The following SRCAP variants were observed in gnomAD, a reference collection of about 807,000 sequenced individuals.
SRCAP encodes Snf2 related CREBBP activator protein.
Under a neutral mutation model 263.1 loss-of-function variants are expected in SRCAP, and 46 were observed. That is an observed-to-expected ratio of 0.17 (90% CI 0.14 to 0.22). The LOEUF (loss-of-function observed/expected upper bound fraction) is 0.22, where lower values mean the gene tolerates loss of function less well. SRCAP is among the 10% of genes least tolerant of loss of function. The pLI is 1.00. For synonymous variants in SRCAP, 1,813 were observed against 1,662.1 expected (o/e 1.09, Z -2.21); for missense variants, 3,695 against 4,181.9 (o/e 0.88, Z 3.21).
rs1391796227 is a variant in SRCAP, at chr16:30,733,405, CTCT to C, written c.6254_6256del (p.Leu2085_Tyr2086delinsHis). The C allele has an allele frequency of 6.2e-7, 1 of 1,614,138 alleles. No individual in the cohort carries two copies. On this transcript the variant is annotated inframe_deletion, in exon 28 of 34. Transcript: ENST00000262518. The surrounding 1 kb of genome is among the most constrained non-coding windows in gnomAD (Gnocchi z 5.3). The stretch of plus-strand genomic sequence containing the variant: ...GCAGTTTCTCACCTACCATGGCCAT[CTCT>C]ACCTGCGCCTGGATGGATCTACTAG...
chr16:30,713,936 C>T (rs1419534999), intron 16 of SRCAP, among the ~76,000 whole-genome samples: 1 of 143,564 alleles, frequency 7.0e-6, no homozygotes, highest in Non-Finnish European at 1.5e-5. Flanking sequence ...CTTGCTTTGT[C>T]GCCCAGGCTG....
In SRCAP at chr16:30,739,147, G is replaced by A; in HGVS notation, c.9107G>A (p.Cys3036Tyr). The A allele has an allele frequency of 6.2e-7, 1 of 1,614,164 alleles. No homozygotes were observed. Among genetic ancestry groups the A allele is most frequent in the Non-Finnish European group, 8.5e-7 (1 of 1,180,014 alleles). ...DRDSTSVLESCGLGRRRQPQG... is the reference protein window; with the variant it reads ...DRDSTSVLESYGLGRRRQPQG... ...GACAGCACTTCTGTTCTCGAGAGCT[G>A]TGGATTGGGGAGGCGACGGCAACCC... Residue 3036 changes from cysteine (C) to tyrosine (Y), a missense_variant, in exon 34 of 34, where the codon TGT becomes TAT. Cys to Tyr is a radical substitution (Grantham distance 194). Around this residue, in one of 12 missense-constraint regions of SRCAP, gnomAD observed 1,207 missense variants for 1,142.9 expected, o/e 1.06. Transcript: ENST00000262518.
chr16:30,725,286 G>A (rs1281148118), intron 25 of SRCAP: 2 of 1,150,276 alleles, frequency 1.7e-6, no homozygotes, highest in East Asian at 2.9e-5. Context: ...CTCCTGAAGT[G>A]TTAGGATTAC....
intron 6 of SRCAP, among the ~76,000 whole-genome samples, chr16:30,708,907 C>G (rs1356638804): frequency 6.6e-6 from 1 of 152,162 alleles, no homozygotes; most frequent in African/African-American, 2.4e-5. Context: ...CAACCTCTGC[C>G]TCCCAGGTTC....
chr16:30,721,360 C>T lies in SRCAP; in HGVS notation c.3425C>T (p.Ala1142Val). 2 of 1,614,154 alleles carry T rather than the reference C, an allele frequency of 1.2e-6. No homozygotes were observed. Among genetic ancestry groups the T allele is most frequent in the Non-Finnish European group, 1.7e-6 (2 of 1,180,046 alleles). ...TVPPGYTFPPAAATTTSTTTA... is the reference protein window; with the variant it reads ...TVPPGYTFPPVAATTTSTTTA... Reference sequence around the variant, plus strand: ...CCACCAGGCTACACCTTCCCTCCTGCTGCTGCCACCACCACTTCTACCACC... The same window carrying T: ...CCACCAGGCTACACCTTCCCTCCTGTTGCTGCCACCACCACTTCTACCACC... The change falls in exon 21 of 34, where the codon GCT becomes GTT. Residue 1142 changes from alanine to valine, a missense_variant. By Grantham distance (64) the Ala-to-Val change is moderately conservative. Transcript: ENST00000262518.
At chr16:30,706,507 A>C (rs2052828913) in intron 4 of SRCAP, among the ~76,000 whole-genome samples, 1 of 152,188 alleles carries the variant, frequency 6.6e-6, no homozygotes, top group African/African-American at 2.4e-5. Context: ...CTGTCAAAAA[A>C]ATTTTAAATG....
Position 30,713,307 on chromosome 16 carries a change from A to G in SRCAP, c.2230A>G (p.Ile744Val). ...CCGTCGCAAGAACTGGCGCTATCTC[A>G]TTCTGGATGAGGCGCAGAACATCAA... The part of the protein sequence containing the change: ...AFRRKNWRYL[I>V]LDEAQNIKNF... Residue 744 changes from isoleucine (I) to valine (V), a missense_variant, in exon 15 of 34, where the codon ATT becomes GTT. By Grantham distance (29) the Ile-to-Val change is conservative. Transcript: ENST00000262518. The G allele has an allele frequency of 6.2e-7, 1 of 1,614,076 alleles. No individual in the cohort carries two copies. The highest frequency in any genetic ancestry group is 1.1e-5 in the South Asian group (1 of 91,078).
chr16:30,707,819 C>G, intron 6 of SRCAP, 107 bp downstream of exon 6: 1 of 1,404,272 alleles, frequency 7.1e-7, no homozygotes, highest in Non-Finnish European at 9.8e-7. Context: ...TAATTTCAGG[C>G]AACTCTAATG....
Position 30,737,461 on chromosome 16 carries a change from T to C in SRCAP, c.7421T>C (p.Ile2474Thr). ...GTACCCATTTCAGCCCCAAATCCAA[T>C]AACCATTCTCCCTGTCCATATCTTG... ...APVPISAPNP[I>T]TILPVHILPS... Residue 2474 changes from isoleucine (I) to threonine (T), a missense_variant, in exon 34 of 34, where the codon ATA (isoleucine) becomes ACA (threonine). Ile to Thr is a moderately conservative substitution (Grantham distance 89). This residue lies in a region of SRCAP where 1,207 missense variants were observed against 1,142.9 expected (regional missense o/e 1.06). Coordinates refer to ENST00000262518, the MANE Select transcript of SRCAP (RefSeq NM_006662.3). 3 of 1,590,638 alleles carry C rather than the reference T, an allele frequency of 1.9e-6. No homozygotes were observed. Among genetic ancestry groups the C allele is most frequent in the Non-Finnish European group, 2.6e-6 (3 of 1,164,390 alleles).
chr16:30,722,140 T>C lies in SRCAP; in HGVS notation c.3560T>C (p.Ile1187Thr). ...TTTTTAGCAGGCGAAGTGGTCAGCA[T>C]CGGGCAGTTAGCCTCACTGGCACAA... ...ARLPSGEVVS[I>T]GQLASLAQRP... Residue 1187 changes from isoleucine (I) to threonine (T), a missense_variant, in exon 22 of 34, where the codon ATC becomes ACC. Transcript: ENST00000262518. 1 of 1,614,070 alleles carries C rather than the reference T, an allele frequency of 6.2e-7. No individual in the cohort carries two copies. The highest frequency in any genetic ancestry group is 2.2e-5 in the East Asian group (1 of 44,878).
At position 30,724,089 on chromosome 16, in the gene SRCAP, G is replaced by A. The variant is rs903300016; in HGVS notation, c.4665G>A (p.Leu1555=). 1 of 1,613,612 alleles carries A rather than the reference G, an allele frequency of 6.2e-7. No individual in the cohort carries two copies. Among genetic ancestry groups the A allele is most frequent in the Admixed American group, 1.7e-5 (1 of 60,012 alleles). ...CTGTCCTGGTGCCAGCTTCGGCTCT[G>A]GCCAGTCCTTTTCCGTCAGCACCAA... ...CSPVLVPASA[L]ASPFPSAPNP... Residue 1555 remains leucine, a synonymous_variant, in exon 25 of 34, where the codon CTG becomes CTA. Coordinates refer to ENST00000262518, the MANE Select transcript of SRCAP (RefSeq NM_006662.3).
Position 30,724,806 on chromosome 16 carries a change from A to G in SRCAP, c.5382A>G (p.Pro1794=). 13 of 1,613,594 alleles carry G rather than the reference A, an allele frequency of 8.1e-6. No homozygotes were observed. The highest frequency in any genetic ancestry group is 1.1e-5 in the Non-Finnish European group (13 of 1,179,722). The change falls in exon 25 of 34, where the codon CCA becomes CCG. Residue 1794 remains proline, a synonymous_variant. Coordinates refer to ENST00000262518, the MANE Select transcript of SRCAP (RefSeq NM_006662.3). ...AGACACTGACCTTGAGCCCTGCCCC[A>G]GTTCCTACCCTGGGCCCGGCCGCAG... The part of the protein sequence containing the change: ...SVQTLTLSPA[P]VPTLGPAAAQ...
intron 20 of SRCAP, 94 bp from the exon 21 acceptor site, chr16:30,721,095 A>G: frequency 6.5e-7 from 1 of 1,536,392 alleles, no homozygotes; most frequent in Non-Finnish European, 8.8e-7. Context: ...CGGGTCTAGT[A>G]TTTGATGGGT....
Position 30,711,752 on chromosome 16 carries a change from T to G in SRCAP, c.1492+8T>G. The G allele has an allele frequency of 3.1e-6, 5 of 1,611,582 alleles. No homozygotes were observed. Among genetic ancestry groups the G allele is most frequent in the Non-Finnish European group, 4.2e-6 (5 of 1,178,356 alleles). ...ATAGTAGCAGTCAGTCAGGTGAATA[T>G]GTGGTCATGAAGCAGGAGCTGGGGA... On this transcript the variant is annotated splice_region_variant and intron_variant, in intron 11 of 33. Transcript: ENST00000262518.
chr16:30,730,342 G>A (rs1288464056), intron 27 of SRCAP, among the ~76,000 whole-genome samples: 1 of 2,992 alleles, frequency 3.3e-4, no homozygotes, highest in Non-Finnish European at 2.6e-3. Context: ...AACAGTCATT[G>A]TTTTCTTAAT....
intron 16 of SRCAP, 31 bp downstream of exon 16, chr16:30,713,742 G>C (rs761640253): frequency 4.4e-6 from 7 of 1,606,264 alleles, no homozygotes; most frequent in Non-Finnish European, 6.0e-6. Context: ...TCAGGGTATT[G>C]GGAATGGTAA....
intron 27 of SRCAP, among the ~76,000 whole-genome samples, chr16:30,732,777 G>T (rs1188252240): frequency 6.6e-6 from 1 of 152,196 alleles, no homozygotes; most frequent in Non-Finnish European, 1.5e-5. Context: ...TAGATTCTAG[G>T]CTGGAGCAGA....
intron 18 of SRCAP, among the ~76,000 whole-genome samples, chr16:30,717,763 C>T (rs2052967335): frequency 6.6e-6 from 1 of 151,772 alleles, no homozygotes; most frequent in East Asian, 1.9e-4. Context: ...CACGCACCAC[C>T]ACACCCAGCT....
intron 3 of SRCAP, among the ~76,000 whole-genome samples, chr16:30,703,400 G>T (rs1442776015): frequency 6.6e-6 from 1 of 150,480 alleles, no homozygotes; most frequent in Middle Eastern, 3.4e-3. Flanking sequence ...CACCATGTTG[G>T]CCAGGTTGGT....
Sources: gnomAD v4.1 joint callset for allele counts (sites outside exome capture counted in the v4.1 genomes callset) on GRCh38, gnomAD v4.1.1 for gene constraint, gnomAD v4.1.1 regional missense constraint, Gnocchi (gnomAD v3.1) non-coding constraint, MANE v1.5 for transcripts, NCBI Gene and HGNC (gene_info 2026-07-23, HGNC 2026-07-21) for gene names.